Variants in ARHGEF9 observed in about 807,000 individuals in gnomAD.
The protein encoded by ARHGEF9 is rho guanine nucleotide exchange factor 9.
In ARHGEF9, 2 loss-of-function variants were observed where a neutral mutation model predicts 41.3. The observed-to-expected ratio is 0.05, with a 90% confidence interval of 0.02 to 0.15. The LOEUF is 0.15. ARHGEF9 is among the 10% of genes least tolerant of loss of function. ARHGEF9 has a pLI of 1.00. For missense variants in ARHGEF9, 225 were observed against 424.7 expected (o/e 0.53, Z 4.13); for synonymous variants, 160 against 154.4 (o/e 1.04, Z -0.27).
Position 63,697,125 on chromosome X carries a change from G to A in ARHGEF9, c.582C>T (p.His194=), listed in dbSNP as rs150129110. Residue 194 remains histidine, a splice_region_variant and synonymous_variant, in exon 4 of 10, where the codon CAC becomes CAT. Transcript: ENST00000671741. ...LSEIGPCFLE[H]QDGFWIYSEY... ...CTCCCCAAATGGATAAGATACTTAC[G>A]TGCTCTAGGAAGCAGGGTCCTATCT... The A allele has an allele frequency of 2.9e-5, 35 of 1,206,552 alleles. No individual in the cohort carries two copies. The Admixed American group carries it at 3.7e-4, about 13-fold the overall frequency.
intron 2 of ARHGEF9, among the ~76,000 whole-genome samples, chrX:63,707,631 T>G (rs530160353): frequency 1.8e-5 from 2 of 111,081 alleles, no homozygotes; most frequent in African/African-American, 6.6e-5. Flanking sequence ...ATTTTCCATA[T>G]TTTCCCTCCT....
At chrX:63,655,979 T>C (rs1556335705) in intron 7 of ARHGEF9, among the ~76,000 whole-genome samples, 1 of 112,048 alleles carries the variant, frequency 8.9e-6, no homozygotes, top group Non-Finnish European at 1.9e-5. Flanking sequence ...GAATCAATCC[T>C]TGGACGTGTG....
chrX:63,765,873 C>T (rs2056105316), intron 1 of ARHGEF9, among the ~76,000 whole-genome samples: 1 of 111,620 alleles, frequency 9.0e-6, no homozygotes, highest in African/African-American at 3.3e-5. Context: ...AAAAAATTAT[C>T]GCCCAAGAAT....
intron 1 of ARHGEF9, among the ~76,000 whole-genome samples, chrX:63,739,005 G>T (rs1356811066): frequency 8.9e-6 from 1 of 111,842 alleles, no homozygotes; most frequent in Admixed American, 9.5e-5. Context: ...TGTCCTCATT[G>T]AGGCCAGGTG....
chrX:63,727,064 T>C (rs2054010500), intron 1 of ARHGEF9: 1 of 111,955 alleles, frequency 8.9e-6, no homozygotes, highest in Non-Finnish European at 1.9e-5. Flanking sequence ...GGGTCCCAAG[T>C]GGGCATTGTT....
intron 8 of ARHGEF9, among the ~76,000 whole-genome samples, chrX:63,646,226 T>C (rs2048052261): frequency 8.9e-6 from 1 of 112,041 alleles, no homozygotes. Context: ...AGAAGCTCTT[T>C]AGTTTCATTA....
chrX:63,653,393 C>T (rs1316205889), intron 8 of ARHGEF9, among the ~76,000 whole-genome samples: 1 of 111,390 alleles, frequency 9.0e-6, no homozygotes, highest in African/African-American at 3.3e-5. Context: ...GAATTCTGAG[C>T]CACTTAGTCA....
intron 6 of ARHGEF9, among the ~76,000 whole-genome samples, chrX:63,669,261 C>T (rs1489889837): frequency 1.8e-5 from 2 of 111,320 alleles, no homozygotes; most frequent in Non-Finnish European, 3.8e-5. Flanking sequence ...AAATCCCCAA[C>T]CGTGGGCCTT....
chrX:63,715,445 G>GAA (rs782684709), intron 2 of ARHGEF9, among the ~76,000 whole-genome samples: 3 of 96,205 alleles, frequency 3.1e-5, no homozygotes, highest in Admixed American at 1.1e-4. Context: ...ATTTAGAAAA[G>GAA]AAAAAAAAAA....
chrX:63,681,607 T>C (rs1245282782), intron 4 of ARHGEF9, among the ~76,000 whole-genome samples: 1 of 110,737 alleles, frequency 9.0e-6, no homozygotes, highest in Non-Finnish European at 1.9e-5. Flanking sequence ...AAAAAAGTTC[T>C]AAGAGGGGCG....
At chrX:63,648,207 C>T (rs1212049296) in intron 8 of ARHGEF9, among the ~76,000 whole-genome samples, 4 of 111,317 alleles carry the variant, frequency 3.6e-5, no homozygotes, top group Non-Finnish European at 7.6e-5. Flanking sequence ...AGAGAAAGGT[C>T]GGGTCACCCA....
chrX:63,754,901 A>C, intron 1 of ARHGEF9: 2 of 939,778 alleles, frequency 2.1e-6, no homozygotes, highest in Non-Finnish European at 2.6e-6. Context: ...CTAGCTTTCA[A>C]AGGGAAAGGC....
chrX:63,721,443 C>T (rs1556413647), intron 2 of ARHGEF9, among the ~76,000 whole-genome samples: 4 of 111,169 alleles, frequency 3.6e-5, no homozygotes, highest in African/African-American at 1.3e-4. Context: ...TGACCAAACC[C>T]ATGCCTTGTC....
chrX:63,640,531 C>G (rs1481477689), intron 9 of ARHGEF9: 1 of 112,224 alleles, frequency 8.9e-6, no homozygotes, highest in African/African-American at 3.2e-5. Flanking sequence ...CTATACTGAT[C>G]TAGTTAATTA....
intron 6 of ARHGEF9, among the ~76,000 whole-genome samples, chrX:63,666,453 TACACACAC>T (rs782805278): frequency 1.1e-4 from 9 of 81,258 alleles, no homozygotes; most frequent in South Asian, 8.0e-4. Context: ...TATATATACA[TACACACAC>T]ACACACACAC....
intron 2 of ARHGEF9, among the ~76,000 whole-genome samples, chrX:63,714,878 T>C (rs1223885554): frequency 3.6e-5 from 4 of 111,694 alleles, no homozygotes; most frequent in African/African-American, 9.8e-5. Flanking sequence ...TGCTTTGCAA[T>C]TGTCCCAAAT....
chrX:63,679,499 A>C (rs2050481630), intron 4 of ARHGEF9, among the ~76,000 whole-genome samples: 1 of 111,813 alleles, frequency 8.9e-6, no homozygotes, highest in African/African-American at 3.2e-5. Flanking sequence ...TTGTTATATA[A>C]GGGTTGAAAA....
At chrX:63,719,701 G>A (rs1485726723) in intron 2 of ARHGEF9, 1 of 295,965 alleles carries the variant, frequency 3.4e-6, no homozygotes, top group Non-Finnish European at 5.9e-6. Flanking sequence ...TGGCTGAGGT[G>A]ACAGTGGCCC....
intron 4 of ARHGEF9, among the ~76,000 whole-genome samples, chrX:63,684,636 T>C (rs1274819008): frequency 1.8e-5 from 2 of 111,205 alleles, no homozygotes; most frequent in Admixed American, 1.9e-4. Context: ...AAAGTGTCCA[T>C]TAATGGATAA....
Sources: gnomAD v4.1 joint callset for allele counts (sites outside exome capture counted in the v4.1 genomes callset) on GRCh38, gnomAD v4.1.1 for gene constraint, MANE v1.5 for transcripts, NCBI Gene and HGNC (gene_info 2026-07-23, HGNC 2026-07-21) for gene names.